MFHAS1: variants seen among roughly 807,000 people sequenced by gnomAD.
The protein encoded by MFHAS1 is malignant fibrous histiocytoma-amplified sequence 1.
A neutral mutation model predicts 70.4 loss-of-function variants in MFHAS1; 50 were observed. The observed-to-expected ratio is 0.71, with a 90% CI of 0.57 to 0.90. The LOEUF (loss-of-function observed/expected upper bound fraction) is 0.90, where lower values mean the gene tolerates loss of function less well. MFHAS1 is among the 40% of genes least tolerant of loss of function. The probability of loss-of-function intolerance (pLI) is 0.00; values close to 1 mark genes in which losing one functional copy is unlikely to be tolerated. For missense variants in MFHAS1, 1,795 were observed against 1,347.6 expected (o/e 1.33, Z -5.20); for synonymous variants, 952 against 620.0 (o/e 1.54, Z -7.96).
intron 2 of MFHAS1, chr8:8,790,181 T>C: frequency 6.4e-6 from 1 of 156,796 alleles, no homozygotes; most frequent in Non-Finnish European, 1.4e-5. Flanking sequence ...GCAACTTGAT[T>C]CTAGAGATGT....
intron 1 of MFHAS1, among the ~76,000 whole-genome samples, chr8:8,834,159 A>G (rs1180212497): frequency 6.6e-6 from 1 of 152,076 alleles, no homozygotes; most frequent in African/African-American, 2.4e-5. Context: ...ACAAACAAAC[A>G]AACAAAAAAC....
intron 1 of MFHAS1, among the ~76,000 whole-genome samples, chr8:8,853,631 A>G (rs915405305): frequency 6.6e-6 from 1 of 152,166 alleles, no homozygotes; most frequent in African/African-American, 2.4e-5. Flanking sequence ...CAATGGCGCA[A>G]TCTCAGCTCA....
At chr8:8,819,181 A>G (rs965602144) in intron 1 of MFHAS1, among the ~76,000 whole-genome samples, 7 of 152,340 alleles carry the variant, frequency 4.6e-5, no homozygotes, top group African/African-American at 1.7e-4. Flanking sequence ...AAAAGCATAC[A>G]AAACACTGTT....
At chr8:8,786,221 C>G (rs1470424276) in intron 2 of MFHAS1, among the ~76,000 whole-genome samples, 166 bp from the exon 3 acceptor site, 1 of 152,114 alleles carries the variant, frequency 6.6e-6, no homozygotes, top group Non-Finnish European at 1.5e-5. Context: ...AACTTATGTC[C>G]CCACAAAGGA....
intron 1 of MFHAS1, among the ~76,000 whole-genome samples, chr8:8,812,184 CA>C (rs1182564335): frequency 6.6e-6 from 1 of 151,998 alleles, no homozygotes; most frequent in African/African-American, 2.4e-5. Flanking sequence ...AAGTGTAGTG[CA>C]AAATGTCCTC....
intron 1 of MFHAS1, among the ~76,000 whole-genome samples, chr8:8,836,780 T>G (rs1045808316): frequency 6.6e-6 from 1 of 152,212 alleles, no homozygotes; most frequent in African/African-American, 2.4e-5. Flanking sequence ...TAACTTCCTT[T>G]AGTTTCCTTT....
At chr8:8,881,291 G>T (rs1295533342) in intron 1 of MFHAS1, among the ~76,000 whole-genome samples, 2 of 152,172 alleles carry the variant, frequency 1.3e-5, no homozygotes, top group African/African-American at 4.8e-5. Context: ...TTCCTTCTTG[G>T]TCTCCAGAAA....
At chr8:8,815,620 A>T (rs187466784) in intron 1 of MFHAS1, among the ~76,000 whole-genome samples, 1 of 152,302 alleles carries the variant, frequency 6.6e-6, no homozygotes, top group East Asian at 1.9e-4. Flanking sequence ...ATGACCAGTG[A>T]TGTTGAGCTT....
At chr8:8,789,067 G>C (rs1805642869) in intron 2 of MFHAS1, among the ~76,000 whole-genome samples, 1 of 151,976 alleles carries the variant, frequency 6.6e-6, no homozygotes, top group South Asian at 2.1e-4. Flanking sequence ...AGGACAAAAA[G>C]ATAAGAGAGC....
chr8:8,805,630 CGT>C (rs1806262572), intron 1 of MFHAS1, among the ~76,000 whole-genome samples: 1 of 152,138 alleles, frequency 6.6e-6, no homozygotes, highest in Non-Finnish European at 1.5e-5. Context: ...AGTTCAAACT[CGT>C]GTGTGTTCAA....
chr8:8,785,989 C>G lies in MFHAS1; in HGVS notation c.*33G>C, dbSNP rs1805528683. ...GATGGTCCAGGTGTTCAGATGCTCTCTTTTCTCCATGGAAATTCCACAGCC... is the reference window on the plus strand; with the variant it reads ...GATGGTCCAGGTGTTCAGATGCTCTGTTTTCTCCATGGAAATTCCACAGCC... On this transcript the variant is annotated 3_prime_UTR_variant, in exon 3 of 3. Coordinates refer to ENST00000276282, the MANE Select transcript of MFHAS1 (RefSeq NM_004225.3). The G allele has an allele frequency of 1.2e-6, 2 of 1,612,984 alleles. No individual in the cohort carries two copies. The highest frequency in any genetic ancestry group is 1.3e-5 in the African/African-American group (1 of 74,868).
chr8:8,882,919 G>A (rs910541985), intron 1 of MFHAS1, among the ~76,000 whole-genome samples: 16 of 152,134 alleles, frequency 1.1e-4, no homozygotes, highest in African/African-American at 2.2e-4. Context: ...TTGGGAGGCC[G>A]AGGAGGGAGG....
At chr8:8,878,002 C>T (rs1315318402) in intron 1 of MFHAS1, among the ~76,000 whole-genome samples, 1 of 152,180 alleles carries the variant, frequency 6.6e-6, no homozygotes, top group Admixed American at 6.5e-5. Context: ...AAATGCTCCA[C>T]CCACCTCCCT....
intron 1 of MFHAS1, among the ~76,000 whole-genome samples, chr8:8,805,081 G>C (rs1806241455): frequency 6.6e-6 from 1 of 152,192 alleles, no homozygotes; most frequent in Non-Finnish European, 1.5e-5. Flanking sequence ...GTCTCTTCTA[G>C]ATCAAAAAGC....
chr8:8,891,597 G>C lies in MFHAS1; in HGVS notation c.1462C>G (p.Gln488Glu). ...GCCCCTGGGGACAGGAAGAAGGGCT[G>C]GATCACCTCATAACTTTCATCCCCA... ...LAGDESYEVI[Q>E]PFFLSPGALY... is the part of the protein sequence containing the mutation. The change falls in exon 1 of 3, where the codon CAG (glutamine) becomes GAG (glutamate). Residue 488 changes from glutamine to glutamate, a missense_variant. Coordinates refer to ENST00000276282, the MANE Select transcript of MFHAS1 (RefSeq NM_004225.3). The surrounding 1 kb of genome is among the most constrained non-coding windows in gnomAD (Gnocchi z 5.4). The C allele has an allele frequency of 6.2e-7, 1 of 1,613,484 alleles. No homozygotes were observed. The highest frequency in any genetic ancestry group is 8.5e-7 in the Non-Finnish European group (1 of 1,180,036).
intron 1 of MFHAS1, among the ~76,000 whole-genome samples, chr8:8,866,066 A>G (rs964053701): frequency 1.3e-5 from 2 of 152,156 alleles, no homozygotes; most frequent in African/African-American, 4.8e-5. Context: ...TGGCTGGCCA[A>G]TTTTTAGAAA....
chr8:8,844,446 G>T (rs1194018541), intron 1 of MFHAS1, among the ~76,000 whole-genome samples: 2 of 152,114 alleles, frequency 1.3e-5, no homozygotes, highest in Non-Finnish European at 2.9e-5. Context: ...ATACAAATAA[G>T]CCTAGGCATA....
At chr8:8,882,587 G>C (rs1203485171) in intron 1 of MFHAS1, among the ~76,000 whole-genome samples, 1 of 152,052 alleles carries the variant, frequency 6.6e-6, no homozygotes, top group African/African-American at 2.4e-5. Context: ...ACTCCACCCT[G>C]GGCGACAGAG....
At chr8:8,851,464 C>G (rs3925830) in intron 1 of MFHAS1, among the ~76,000 whole-genome samples, 53,943 of 152,008 alleles carry the variant, frequency 0.35, 10,988 homozygotes, top group East Asian at 0.73. Flanking sequence ...CTAGATACCA[C>G]AAAACAGGCT....
Sources: allele counts gnomAD v4.1 joint callset (sites outside exome capture counted in the v4.1 genomes callset), GRCh38; gene constraint gnomAD v4.1.1; non-coding constraint Gnocchi (gnomAD v3.1); transcripts MANE v1.5; gene names NCBI Gene and HGNC (gene_info 2026-07-23, HGNC 2026-07-21).